Variants in LHFPL3 observed in about 807,000 individuals in gnomAD.
LHFPL3 encodes the protein LHFPL tetraspan subfamily member 3, also known as LHFPL tetraspan subfamily member 3 protein.
LHFPL3 carries 5 observed loss-of-function variants against 19.3 expected under a neutral mutation model. The ratio of observed to expected loss-of-function variants is 0.26; its 90% CI spans 0.14 to 0.54. LHFPL3 has a LOEUF of 0.54. Among genes scored for constraint, LHFPL3 ranks in the 20% least tolerant of loss-of-function variants. The probability of loss-of-function intolerance (pLI) is 0.94; values close to 1 mark genes in which losing one functional copy is unlikely to be tolerated. For missense variants in LHFPL3, 249 were observed against 307.4 expected, an observed-to-expected ratio of 0.81 and a Z score of 1.42; for synonymous variants, 133 against 126.2, an observed-to-expected ratio of 1.05 and a Z score of -0.36.
intron 1 of LHFPL3, among the ~76,000 whole-genome samples, chr7:104,426,098 T>C (rs1791838959): frequency 1.3e-5 from 2 of 152,332 alleles, no homozygotes; most frequent in Middle Eastern, 3.4e-3. Context: ...CAGTGGGACA[T>C]GACATTTTCT....
intron 1 of LHFPL3, among the ~76,000 whole-genome samples, chr7:104,518,062 T>A (rs908168820): frequency 6.6e-6 from 1 of 152,172 alleles, no homozygotes; most frequent in Middle Eastern, 3.4e-3. Context: ...CCCAATGTCA[T>A]CCTAGGAATA....
chr7:104,548,640 C>T (rs1794613949), intron 1 of LHFPL3, among the ~76,000 whole-genome samples: 1 of 152,166 alleles, frequency 6.6e-6, no homozygotes, highest in Non-Finnish European at 1.5e-5. Context: ...AAATACACCA[C>T]TAAGAATCCC....
At chr7:104,546,603 T>C (rs904384338) in intron 1 of LHFPL3, among the ~76,000 whole-genome samples, 2 of 152,222 alleles carry the variant, frequency 1.3e-5, no homozygotes, top group African/African-American at 4.8e-5. Context: ...GTAGTACAAA[T>C]TGTTACTATT....
chr7:104,891,344 G>A (rs1455544373), intron 2 of LHFPL3, among the ~76,000 whole-genome samples: 1 of 152,026 alleles, frequency 6.6e-6, no homozygotes, highest in Non-Finnish European at 1.5e-5. Flanking sequence ...ATCATAACAT[G>A]GCGGAAGGGC....
intron 1 of LHFPL3, among the ~76,000 whole-genome samples, chr7:104,573,721 C>T (rs573999911): frequency 6.6e-6 from 1 of 152,324 alleles, no homozygotes; most frequent in Admixed American, 6.5e-5. Context: ...AATCAGCTCA[C>T]CTCAGTGGCC....
intron 1 of LHFPL3, among the ~76,000 whole-genome samples, chr7:104,402,502 T>C (rs986329357): frequency 6.6e-6 from 1 of 152,232 alleles, no homozygotes. Context: ...AGAATAGCCA[T>C]GTTCTATTGT....
At chr7:104,540,851 A>T (rs1278500706) in intron 1 of LHFPL3, among the ~76,000 whole-genome samples, 4 of 152,112 alleles carry the variant, frequency 2.6e-5, no homozygotes, top group Admixed American at 6.5e-5. Context: ...CTTATTGATT[A>T]TTCTACTTCT....
rs751888453 is a variant in LHFPL3, at chr7:104,329,207, G to A, written c.428G>A (p.Trp143Ter). The change falls in exon 1 of 3, where the codon TGG becomes TAG. Residue 143 changes from tryptophan to a stop codon, truncating the protein, a stop_gained. Coordinates refer to ENST00000424859, the MANE Select transcript of LHFPL3 (RefSeq NM_199000.3). LOFTEE classifies it high-confidence loss of function. ...GCCACTGTGTACAAGATATGTGCCT[G>A]GATGCAGCTCACCTCCGGTGAGTGC... ...NTATVYKICA[W>*]MQLTSAACLV... 3 of 1,608,646 alleles carry A rather than the reference G, an allele frequency of 1.9e-6. No individual in the cohort carries two copies. The highest frequency in any genetic ancestry group is 2.6e-6 in the Non-Finnish European group (3 of 1,175,822).
chr7:104,522,811 G>A (rs1367403120), intron 1 of LHFPL3, among the ~76,000 whole-genome samples: 1 of 152,136 alleles, frequency 6.6e-6, no homozygotes, highest in Non-Finnish European at 1.5e-5. Flanking sequence ...TTGAAACAGG[G>A]TAAGACTTTG....
chr7:104,822,140 G>C (rs1027977388), intron 2 of LHFPL3, among the ~76,000 whole-genome samples: 3 of 152,188 alleles, frequency 2.0e-5, no homozygotes, highest in South Asian at 4.1e-4. Context: ...ATGAGACTAA[G>C]TGTTTGAAAC....
intron 1 of LHFPL3, among the ~76,000 whole-genome samples, chr7:104,490,354 C>T (rs1332940991): frequency 1.3e-5 from 2 of 152,134 alleles, no homozygotes; most frequent in African/African-American, 4.8e-5. Context: ...AAATCATCTT[C>T]AGTAAAGTAC....
chr7:104,665,420 G>T (rs181669909), intron 1 of LHFPL3, among the ~76,000 whole-genome samples: 1 of 152,288 alleles, frequency 6.6e-6, no homozygotes, highest in Non-Finnish European at 1.5e-5. Flanking sequence ...AATTGTAATA[G>T]TCCATTCCAT....
At chr7:104,427,151 C>G (rs1791863049) in intron 1 of LHFPL3, among the ~76,000 whole-genome samples, 1 of 152,150 alleles carries the variant, frequency 6.6e-6, no homozygotes, top group South Asian at 2.1e-4. Flanking sequence ...TGGCCATTGT[C>G]AGCAGTCGGT....
intron 1 of LHFPL3, among the ~76,000 whole-genome samples, chr7:104,507,183 C>A (rs1185647013): frequency 6.6e-6 from 1 of 151,930 alleles, no homozygotes; most frequent in Non-Finnish European, 1.5e-5. Context: ...AAGCTGGAGG[C>A]ATCACACTAC....
At chr7:104,798,535 T>G (rs1584539780) in intron 2 of LHFPL3, 1 of 152,226 alleles carries the variant, frequency 6.6e-6, no homozygotes, top group Admixed American at 6.5e-5. Context: ...TATGCAATGT[T>G]TATTGCTCTG....
chr7:104,335,916 G>A (rs1049557026), intron 1 of LHFPL3, among the ~76,000 whole-genome samples: 1 of 151,942 alleles, frequency 6.6e-6, no homozygotes, highest in African/African-American at 2.4e-5. Context: ...GTGGCTCAGT[G>A]CACTTCTGTG....
chr7:104,585,470 AACACACACAAACACAC>A (rs1014628468), intron 1 of LHFPL3, among the ~76,000 whole-genome samples: 2 of 35,638 alleles, frequency 5.6e-5, no homozygotes, highest in African/African-American at 1.6e-4. Flanking sequence ...GGAATAAGGC[AACACACACAAACACAC>A]ACACACACAC....
At chr7:104,780,762 A>G (rs1357797722) in intron 2 of LHFPL3, among the ~76,000 whole-genome samples, 1 of 152,112 alleles carries the variant, frequency 6.6e-6, no homozygotes, top group Non-Finnish European at 1.5e-5. Context: ...GAAACCTCTC[A>G]GTTCTTTGAT....
At chr7:104,746,177 T>C (rs1007337026) in intron 2 of LHFPL3, among the ~76,000 whole-genome samples, 3 of 152,122 alleles carry the variant, frequency 2.0e-5, no homozygotes, top group African/African-American at 7.2e-5. Flanking sequence ...CCAGGTATGG[T>C]GGCGGATGCC....
Sources: gnomAD v4.1 joint callset for allele counts (sites outside exome capture counted in the v4.1 genomes callset) on GRCh38, gnomAD v4.1.1 for gene constraint, MANE v1.5 for transcripts, NCBI Gene and HGNC (gene_info 2026-07-23, HGNC 2026-07-21) for gene names.